C4orf50: variants seen among roughly 807,000 people sequenced by gnomAD.
The protein encoded by C4orf50 is uncharacterized protein C4orf50.
In C4orf50, 80 loss-of-function variants were observed where a neutral mutation model predicts 77.2. The ratio of observed to expected loss-of-function variants is 1.04; its 90% CI spans 0.87 to 1.25. The LOEUF is 1.25. Among genes scored for constraint, C4orf50 ranks in the 50% most tolerant of loss-of-function variants. The pLI, the probability that C4orf50 is intolerant of heterozygous loss-of-function variation, is 0.00. For missense variants in C4orf50, 1,257 were observed against 1,152.9 expected (o/e 1.09, Z -1.31); for synonymous variants, 532 against 465.3 (o/e 1.14, Z -1.84).
At chr4:5,991,164 C>T (rs549792403) in intron 27 of C4orf50, among the ~76,000 whole-genome samples, 3 of 152,224 alleles carry the variant, frequency 2.0e-5, no homozygotes, top group Non-Finnish European at 2.9e-5. Flanking sequence ...ACCCTCCATG[C>T]CCTCACACCA....
chr4:5,997,229 T>C (rs1333322130), intron 25 of C4orf50, among the ~76,000 whole-genome samples: 1 of 152,198 alleles, frequency 6.6e-6, no homozygotes, highest in Non-Finnish European at 1.5e-5. Context: ...ATTTTTTGGA[T>C]TGTTATCATA....
Position 5,951,888 on chromosome 4 carries a change from G to C in C4orf50, c.*2474+5013C>G, listed in dbSNP as rs555196372. ...GGTGGTGTAATGTGCAGGGGGAGCT[G>C]GGTTCCAATCCCTCTCCTCCTCTGC... On this transcript the variant is annotated intron_variant, in intron 7 of 7. Coordinates refer to the C4orf50 transcript ENST00000324058. 7.9e-5 allele frequency among the ~76,000 whole-genome samples: 12 copies of C among 152,200 alleles called. No individual in the cohort carries two copies. The South Asian group carries it at 2.5e-3, about 32-fold the overall frequency.
At chr4:5,955,174 C>T (rs1034202961), downstream of C4orf50, among the ~76,000 whole-genome samples, 2 of 152,154 alleles carry the variant, frequency 1.3e-5, no homozygotes, top group African/African-American at 2.4e-5. The surrounding 1 kb of genome is among the most constrained non-coding windows in gnomAD (Gnocchi z 5.1). Context: ...AAAGCAGTGG[C>T]GGCACTTCCA....
chr4:5,972,076 C>T (rs1719961159), intron 31 of C4orf50, among the ~76,000 whole-genome samples: 1 of 148,646 alleles, frequency 6.7e-6, no homozygotes. Context: ...GTGATCTCGG[C>T]TCACTGCAAC....
intron 24 of C4orf50, among the ~76,000 whole-genome samples, chr4:6,010,761 G>C (rs1471755397): frequency 6.6e-6 from 1 of 152,194 alleles, no homozygotes; most frequent in Non-Finnish European, 1.5e-5. Context: ...TGTGGGTTTT[G>C]CCTCTGCAGC....
At chr4:5,960,165 T>C (rs1412459877) in intron 33 of C4orf50, among the ~76,000 whole-genome samples, 4 of 152,210 alleles carry the variant, frequency 2.6e-5, no homozygotes, top group African/African-American at 9.6e-5. Flanking sequence ...CTTCATTAAA[T>C]GTATTAGCTC....
chr4:6,002,168 G>A (rs1179563605), intron 25 of C4orf50, among the ~76,000 whole-genome samples: 1 of 152,196 alleles, frequency 6.6e-6, no homozygotes, highest in Non-Finnish European at 1.5e-5. Context: ...CTGGTGTCCA[G>A]ATAAGAAGAG....
exon 26 of C4orf50, chr4:5,994,437 G>T: frequency 2.5e-6 from 1 of 399,128 alleles, no homozygotes; most frequent in Non-Finnish European, 4.4e-6. Context: ...TCCTCCCTGG[G>T]CAGGGGCAGT....
chr4:5,989,440 G>T (rs1426292712), exon 28 of C4orf50: 1 of 1,536,010 alleles, frequency 6.5e-7, no homozygotes, highest in Non-Finnish European at 8.7e-7. Context: ...TTTAGACTTC[G>T]CTTCTTCATT....
chr4:5,970,896 C>T lies in C4orf50; in HGVS notation c.4104+2763G>A, dbSNP rs915470895. Among the ~76,000 whole-genome samples the T allele has an allele frequency of 6.6e-6, 1 of 152,116 alleles. No individual in the cohort carries two copies. Among genetic ancestry groups the T allele is most frequent in the African/African-American group, 2.4e-5 (1 of 41,438 alleles). ...GTGGAGTAAGCAGATCCATGGAGAG[C>T]GTGCGAGGGGGAGGGCAGCATGAGT... On this transcript the variant is annotated intron_variant, in intron 31 of 33. Transcript: ENST00000531445. The surrounding 1 kb of genome is among the most constrained non-coding windows in gnomAD (Gnocchi z 4.3).
At position 6,018,363 on chromosome 4, in the gene C4orf50, C is replaced by T. The variant is rs906116980; in HGVS notation, c.69G>A (p.Glu23=). Residue 23 remains glutamate, a synonymous_variant, in exon 23 of 34, where the codon GAG becomes GAA. Coordinates refer to ENST00000531445, the Ensembl canonical transcript of C4orf50. This position sits in a 1 kb window ranked among gnomAD's most constrained non-coding sequence, Gnocchi z 5.1. ...CATCAACGTTCATTATGTCGAACCCCTCACTGCTGGGGGCTCTGATGACGT... is the reference window on the plus strand; with the variant it reads ...CATCAACGTTCATTATGTCGAACCCTTCACTGCTGGGGGCTCTGATGACGT... 10 of 398,898 alleles carry T rather than the reference C, an allele frequency of 2.5e-5. No individual in the cohort carries two copies. The highest frequency in any genetic ancestry group is 2.1e-4 in the African/African-American group (10 of 48,616). The allele number at this position is 398,898 out of a possible 1,614,324, so 24.7% of individuals were successfully genotyped here.
chr4:5,959,507 G>T (rs1324640775), exon 34 of C4orf50: 1 of 1,614,198 alleles, frequency 6.2e-7, no homozygotes, highest in Non-Finnish European at 8.5e-7. Flanking sequence ...TATCGACTTG[G>T]AGGGCAGGAC....
intron 7 of C4orf50, among the ~76,000 whole-genome samples, chr4:5,934,680 T>C (rs990174990): frequency 6.6e-6 from 1 of 152,184 alleles, no homozygotes; most frequent in Non-Finnish European, 1.5e-5. Context: ...CTCCCTTCCA[T>C]GTGTGTCTGG....
In C4orf50 at chr4:5,958,317, A is replaced by G. The variant is rs1040987926; in HGVS notation, c.*1058T>C. 6.6e-6 allele frequency: 1 copy of G among 151,902 alleles called. No individual in the cohort carries two copies. The highest frequency in any genetic ancestry group is 1.5e-5 in the Non-Finnish European group (1 of 67,984). 9.4% of individuals were successfully genotyped at this position (151,902 alleles called of 1,614,324 possible). A position where few individuals can be genotyped will look rare whatever the true frequency, so the allele number is the denominator to read the frequency against. ...GTGGAAGGAAGGGGTGCTGGATGGG[A>G]ACGATGCAGTGACTGCTTGCAGCTG... On this transcript the variant is annotated 3_prime_UTR_variant, in exon 34 of 34. Transcript: ENST00000531445. This position sits in a 1 kb window ranked among gnomAD's most constrained non-coding sequence, Gnocchi z 5.4.
At chr4:5,917,546 TG>T (rs1239896699) in intron 7 of C4orf50, among the ~76,000 whole-genome samples, 1 of 151,360 alleles carries the variant, frequency 6.6e-6, no homozygotes, top group African/African-American at 2.4e-5. Flanking sequence ...CCTGAGTAGC[TG>T]GGACTACAGG....
At chr4:5,936,580 A>AAG (rs1553913979) in intron 7 of C4orf50, among the ~76,000 whole-genome samples, 51 of 147,450 alleles carry the variant, frequency 3.5e-4, no homozygotes, top group African/African-American at 1.3e-3. Flanking sequence ...AAAAAAAAAA[A>AAG]AAAGAAAGAC....
exon 28 of C4orf50, chr4:5,990,144 T>C: frequency 7.9e-7 from 1 of 1,262,748 alleles, no homozygotes; most frequent in Non-Finnish European, 9.9e-7. Flanking sequence ...CCTCCTTTGA[T>C]ACTGAGGCCT....
chr4:5,914,299 G>A (rs1716942925), intron 7 of C4orf50, among the ~76,000 whole-genome samples: 1 of 148,526 alleles, frequency 6.7e-6, no homozygotes, highest in African/African-American at 2.5e-5. Flanking sequence ...CTGCCTCCCG[G>A]GTTCATGCCA....
At chr4:5,975,244 G>C (rs527557418) in intron 30 of C4orf50, among the ~76,000 whole-genome samples, 1 of 150,030 alleles carries the variant, frequency 6.7e-6, no homozygotes, top group South Asian at 2.1e-4. Context: ...GAAGGGGCTT[G>C]AGCACAGAGC....
Sources: allele counts gnomAD v4.1 joint callset (sites outside exome capture counted in the v4.1 genomes callset), GRCh38; gene constraint gnomAD v4.1.1; non-coding constraint Gnocchi (gnomAD v3.1); transcripts MANE v1.5; gene names NCBI Gene and HGNC (gene_info 2026-07-23, HGNC 2026-07-21).